Variants in EMB observed in about 807,000 individuals in gnomAD.
EMB encodes the protein embigin.
EMB carries 31 observed loss-of-function variants against 41.4 expected under a neutral mutation model. That is an observed-to-expected ratio of 0.75 (90% CI 0.56 to 1.01). The LOEUF is 1.01. Ranked by LOEUF, EMB falls within the 50% of genes least tolerant of loss-of-function variation. EMB has a pLI of 0.00. For synonymous variants in EMB, 137 were observed against 140.4 expected (o/e 0.98, Z 0.17); for missense variants, 379 against 388.3 (o/e 0.98, Z 0.20).
At chr5:50,415,551 C>T (rs1424891363) in intron 2 of EMB, among the ~76,000 whole-genome samples, 1 of 152,106 alleles carries the variant, frequency 6.6e-6, no homozygotes, top group Non-Finnish European at 1.5e-5. Context: ...ATATATGGTG[C>T]TAAGGGTTAT....
chr5:50,422,321 G>T (rs999387387), intron 2 of EMB, among the ~76,000 whole-genome samples: 1 of 152,134 alleles, frequency 6.6e-6, no homozygotes, highest in African/African-American at 2.4e-5. Flanking sequence ...AGCTTATTAG[G>T]TGTAGGTGTT....
chr5:50,401,354 T>C (rs886367738), intron 7 of EMB, among the ~76,000 whole-genome samples: 1 of 152,046 alleles, frequency 6.6e-6, no homozygotes, highest in African/African-American at 2.4e-5. Flanking sequence ...GCTCCACTCC[T>C]GCTATCCATG....
intron 1 of EMB, among the ~76,000 whole-genome samples, chr5:50,434,814 A>G (rs1211634940): frequency 6.6e-6 from 1 of 152,234 alleles, no homozygotes; most frequent in Non-Finnish European, 1.5e-5. Flanking sequence ...ATGTTTAAAT[A>G]GTGGCAATTT....
intron 1 of EMB, among the ~76,000 whole-genome samples, chr5:50,430,259 G>A (rs956530860): frequency 2.0e-5 from 3 of 152,114 alleles, no homozygotes; most frequent in Admixed American, 6.6e-5. Context: ...CCTGCAAAAC[G>A]TAAGCTTTGA....
At position 50,398,018 on chromosome 5, in the gene EMB, ATTGAAT is replaced by A. The variant is rs1427037367; in HGVS notation, c.*1249_*1254del. The A allele has an allele frequency of 6.6e-6, 1 of 151,858 alleles. No homozygotes were observed. Among genetic ancestry groups the A allele is most frequent in the Non-Finnish European group, 1.5e-5 (1 of 67,932 alleles). 9.4% of individuals were successfully genotyped at this position (151,858 alleles called of 1,614,324 possible). A position where few individuals can be genotyped will look rare whatever the true frequency, so the allele number is the denominator to read the frequency against. ...TTTATAAAGTATTTCTTGTCAAATC[ATTGAAT>A]TCCTCCTCCCCAACCTTTAAATTCC... On this transcript the variant is annotated 3_prime_UTR_variant, in exon 9 of 9. Coordinates refer to ENST00000303221, the MANE Select transcript of EMB (RefSeq NM_198449.3).
intron 2 of EMB, among the ~76,000 whole-genome samples, chr5:50,427,109 A>C (rs572956328): frequency 6.6e-6 from 1 of 152,326 alleles, no homozygotes; most frequent in South Asian, 2.1e-4. Context: ...AGTGCTAATG[A>C]GTTTTCTTCC....
At position 50,415,889 on chromosome 5, in the gene EMB, C is replaced by T. The variant is rs566903779; in HGVS notation, c.197-4506G>A. 1.7e-4 allele frequency among the ~76,000 whole-genome samples: 26 copies of T among 152,200 alleles called. 1 individual carries two copies. Among genetic ancestry groups the T allele is most frequent in the South Asian group, 6.2e-4 (3 of 4,806 alleles). On this transcript the variant is annotated intron_variant, in intron 2 of 8. Coordinates refer to ENST00000303221, the MANE Select transcript of EMB (RefSeq NM_198449.3). The stretch of plus-strand genomic sequence containing the variant: ...GTGTAGCTATATACCAATATGAATG[C>T]GATGATAAAATGAACAGTGCAATCA...
intron 7 of EMB, among the ~76,000 whole-genome samples, chr5:50,400,454 T>A (rs1388907502): frequency 1.3e-5 from 2 of 151,914 alleles, no homozygotes; most frequent in African/African-American, 2.4e-5. Context: ...AATTATCAAA[T>A]CATAATGCAT....
chr5:50,427,393 A>G (rs1745629529), intron 2 of EMB, among the ~76,000 whole-genome samples: 1 of 152,090 alleles, frequency 6.6e-6, no homozygotes, highest in Non-Finnish European at 1.5e-5. Flanking sequence ...AACAACCTAC[A>G]TGGAAATGTA....
intron 2 of EMB, among the ~76,000 whole-genome samples, chr5:50,419,730 G>GT (rs1745487173): frequency 6.6e-6 from 1 of 152,106 alleles, no homozygotes; most frequent in Admixed American, 6.6e-5. Context: ...ACATGCACAC[G>GT]TATGTTCATT....
At chr5:50,420,447 C>T (rs1389942309) in intron 2 of EMB, among the ~76,000 whole-genome samples, 2 of 152,196 alleles carry the variant, frequency 1.3e-5, no homozygotes, top group Non-Finnish European at 2.9e-5. Context: ...TCAGTACATA[C>T]ATTTTGTACA....
chr5:50,426,728 C>T (rs1745616171), intron 2 of EMB, among the ~76,000 whole-genome samples: 1 of 151,900 alleles, frequency 6.6e-6, no homozygotes, highest in Non-Finnish European at 1.5e-5. Flanking sequence ...AATATTGATA[C>T]ATATCAATGT....
At chr5:50,417,164 T>C (rs184167615) in intron 2 of EMB, among the ~76,000 whole-genome samples, 271 of 152,256 alleles carry the variant, frequency 1.8e-3, no homozygotes, top group African/African-American at 6.3e-3. Flanking sequence ...AATTTCACCA[T>C]AAAAGTCAAT....
chr5:50,441,294 A>C, upstream of EMB: 2 of 423,456 alleles, frequency 4.7e-6, no homozygotes, highest in Non-Finnish European at 8.0e-6. Flanking sequence ...AAAAGGCGGA[A>C]TGGGAGGGGC....
Position 50,428,140 on chromosome 5 carries a change from T to C in EMB, c.196+4A>G. 6.3e-7 allele frequency: 1 copy of C among 1,583,022 alleles called. No individual in the cohort carries two copies. Among genetic ancestry groups the C allele is most frequent in the South Asian group, 1.1e-5 (1 of 88,370 alleles). On this transcript the variant is annotated splice_donor_region_variant and intron_variant, in intron 2 of 8. Coordinates refer to ENST00000303221, the MANE Select transcript of EMB (RefSeq NM_198449.3). The stretch of plus-strand genomic sequence containing the variant: ...TTGCATTATTTGAAACATGATACAT[T>C]TACCAGTCAGTGATATGTTATGACT...
chr5:50,410,416 A>AT (rs1745316463), intron 4 of EMB, among the ~76,000 whole-genome samples: 1 of 152,138 alleles, frequency 6.6e-6, no homozygotes, highest in African/African-American at 2.4e-5. Context: ...ACTTGGTGAG[A>AT]TAAAAAGTAG....
intron 2 of EMB, among the ~76,000 whole-genome samples, chr5:50,414,453 G>T (rs1460603720): frequency 7.0e-6 from 1 of 143,440 alleles, no homozygotes; most frequent in Non-Finnish European, 1.5e-5. Flanking sequence ...TTGAGCCCGA[G>T]AGTTGAGGCT....
chr5:50,422,568 A>G (rs1288956602), intron 2 of EMB, among the ~76,000 whole-genome samples: 1 of 152,232 alleles, frequency 6.6e-6, no homozygotes, highest in East Asian at 1.9e-4. Flanking sequence ...ACAGTACAAA[A>G]TAATAACCAT....
intron 2 of EMB, among the ~76,000 whole-genome samples, chr5:50,413,782 T>C (rs1561134379): frequency 6.6e-6 from 1 of 152,088 alleles, no homozygotes; most frequent in Non-Finnish European, 1.5e-5. Context: ...TTCACCATGT[T>C]GGCCAGGCTA....
Sources: allele counts gnomAD v4.1 joint callset (sites outside exome capture counted in the v4.1 genomes callset), GRCh38; gene constraint gnomAD v4.1.1; transcripts MANE v1.5; gene names NCBI Gene and HGNC (gene_info 2026-07-23, HGNC 2026-07-21).